MOCOS: variants seen among roughly 807,000 people sequenced by gnomAD.
MOCOS encodes the protein molybdenum cofactor sulfurase, also known as human molybdenum cofactor sulfurase.
In MOCOS, 86 loss-of-function variants were observed where a neutral mutation model predicts 83.6. The observed-to-expected ratio is 1.03, with a 90% CI of 0.86 to 1.23. The LOEUF (loss-of-function observed/expected upper bound fraction) is 1.23. Among genes scored for constraint, MOCOS ranks in the 50% most tolerant of loss-of-function variants. The probability of loss-of-function intolerance (pLI) is 0.00; values close to 1 mark genes in which losing one functional copy is unlikely to be tolerated. For synonymous variants in MOCOS, 445 were observed against 434.7 expected (o/e 1.02, Z -0.29); for missense variants, 1,120 against 1,126.9 (o/e 0.99, Z 0.09).
At chr18:36,244,878 A>G (rs991754022) in intron 9 of MOCOS, among the ~76,000 whole-genome samples, 2 of 152,090 alleles carry the variant, frequency 1.3e-5, no homozygotes, top group Non-Finnish European at 2.9e-5. Flanking sequence ...ATTATATAAT[A>G]TTCCTCTTTG....
At chr18:36,238,986 G>A (rs1274398452) in intron 9 of MOCOS, among the ~76,000 whole-genome samples, 1 of 151,630 alleles carries the variant, frequency 6.6e-6, no homozygotes, top group Non-Finnish European at 1.5e-5. Context: ...CCGTTTGCTT[G>A]GTAGGTCTTC....
chr18:36,212,389 C>CG (rs112635386), intron 6 of MOCOS, among the ~76,000 whole-genome samples: 33,622 of 151,840 alleles, frequency 0.22, 3,826 homozygotes, highest in African/African-American at 0.27. Context: ...GGGAGCTGGA[C>CG]GGGGGTCGGG....
chr18:36,204,532 T>C (rs1024453767), intron 5 of MOCOS, among the ~76,000 whole-genome samples: 4 of 152,246 alleles, frequency 2.6e-5, no homozygotes, highest in African/African-American at 7.2e-5. Flanking sequence ...AGTAACATTA[T>C]GTATAAAAAA....
At chr18:36,242,490 C>T (rs936777231) in intron 9 of MOCOS, among the ~76,000 whole-genome samples, 6 of 152,182 alleles carry the variant, frequency 3.9e-5, no homozygotes, top group Admixed American at 1.3e-4. Context: ...TTACCTAGTT[C>T]CAAAGTCTCT....
At chr18:36,227,194 G>A (rs762795970) in intron 9 of MOCOS, among the ~76,000 whole-genome samples, 12 of 151,672 alleles carry the variant, frequency 7.9e-5, no homozygotes, top group South Asian at 2.1e-4. Context: ...TTATGGGCAT[G>A]AGCCACCACC....
At chr18:36,230,498 T>G (rs1472716152) in intron 9 of MOCOS, among the ~76,000 whole-genome samples, 1 of 152,206 alleles carries the variant, frequency 6.6e-6, no homozygotes, top group Non-Finnish European at 1.5e-5. Flanking sequence ...CACTACCAAC[T>G]CTTTCGTCCC....
intron 3 of MOCOS, 102 bp from the exon 4 acceptor site, chr18:36,199,581 A>G (rs769477804): frequency 2.0e-5 from 31 of 1,564,598 alleles, no homozygotes; most frequent in Non-Finnish European, 2.5e-5. Context: ...CTATCTATCC[A>G]TTAAGGTAGA....
intron 7 of MOCOS, 148 bp from the exon 8 acceptor site, chr18:36,215,368 A>G: frequency 1.3e-6 from 1 of 788,582 alleles, no homozygotes; most frequent in Non-Finnish European, 2.1e-6. Flanking sequence ...GAGCTGAACT[A>G]TGTCCCAGAC....
intron 9 of MOCOS, among the ~76,000 whole-genome samples, chr18:36,238,073 T>G (rs1290086577): frequency 1.3e-5 from 2 of 150,144 alleles, no homozygotes; most frequent in Admixed American, 6.6e-5. Context: ...GTTGATCCTT[T>G]CAAAAAACCA....
At chr18:36,206,329 C>T (rs1044772808) in intron 6 of MOCOS, among the ~76,000 whole-genome samples, 2 of 146,320 alleles carry the variant, frequency 1.4e-5, no homozygotes, top group East Asian at 2.1e-4. Flanking sequence ...TCACTGCAAC[C>T]TCCACCTCTT....
At chr18:36,195,232 G>T (rs1013753907) in intron 1 of MOCOS, 25 bp from the exon 2 acceptor site, 1 of 1,602,564 alleles carries the variant, frequency 6.2e-7, no homozygotes, top group Non-Finnish European at 8.5e-7. Context: ...TAAAATTTTA[G>T]TATTTATTTT....
rs71168208 is a variant in MOCOS, at chr18:36,232,855, TACACACAC to T, written c.1960+12665_1960+12672del. On this transcript the variant is annotated intron_variant, in intron 9 of 14. Transcript: ENST00000261326. Reference sequence around the variant, plus strand: ...TTTTTATGGCTGAATAATATTCCATTACACACACACACACACACACACACACACACACA... The same window carrying T: ...TTTTTATGGCTGAATAATATTCCATTACACACACACACACACACACACACA... Among the ~76,000 whole-genome samples the T allele has an allele frequency of 2.6e-3, 384 of 147,916 alleles. 2 individuals are homozygous for T. The highest frequency in any genetic ancestry group is 7.9e-3 in the East Asian group (40 of 5,044).
chr18:36,244,648 G>A (rs2091596255), intron 9 of MOCOS, among the ~76,000 whole-genome samples: 1 of 152,008 alleles, frequency 6.6e-6, no homozygotes, highest in Admixed American at 6.6e-5. Context: ...TTTGTTTTAG[G>A]GTATAGTTTA....
In MOCOS at chr18:36,213,368, G is replaced by A. The variant is rs1276248598; in HGVS notation, c.1221G>A (p.Val407=). ...TCCATGTTACATTAAATCCGCAGGT[G>A]GACAAAATGGCCAGTCTTTACAACA... ...DKGNIIGYSQ[V]DKMASLYNIH... Residue 407 remains valine (V), a splice_region_variant and synonymous_variant, in exon 7 of 15, where the codon GTG becomes GTA. Transcript: ENST00000261326. 1.9e-6 allele frequency: 3 copies of A among 1,613,686 alleles called. No individual in the cohort carries two copies. The highest frequency in any genetic ancestry group is 2.5e-6 in the Non-Finnish European group (3 of 1,179,606).
At chr18:36,240,743 C>T (rs1252801137) in intron 9 of MOCOS, among the ~76,000 whole-genome samples, 1 of 152,214 alleles carries the variant, frequency 6.6e-6, no homozygotes, top group Non-Finnish European at 1.5e-5. Flanking sequence ...CTCGCTGCCG[C>T]CTTGCAGTTT....
At chr18:36,224,346 T>A (rs1450765562) in intron 9 of MOCOS, among the ~76,000 whole-genome samples, 3 of 152,198 alleles carry the variant, frequency 2.0e-5, no homozygotes, top group Non-Finnish European at 4.4e-5. Flanking sequence ...GAGGCAAGAA[T>A]GGGCTTCTTT....
chr18:36,247,686 AT>A (rs1166737482), intron 9 of MOCOS, among the ~76,000 whole-genome samples: 1 of 151,874 alleles, frequency 6.6e-6, no homozygotes, highest in East Asian at 1.9e-4. Context: ...AGGTTCCCCA[AT>A]GGGGATGTGT....
chr18:36,255,517 C>T (rs959574577), intron 11 of MOCOS, among the ~76,000 whole-genome samples: 2 of 152,102 alleles, frequency 1.3e-5, no homozygotes, highest in Non-Finnish European at 2.9e-5. Context: ...GATTGTTGGT[C>T]CCTGAGGGAG....
chr18:36,250,912 T>C (rs929956321), intron 10 of MOCOS, among the ~76,000 whole-genome samples: 8 of 152,168 alleles, frequency 5.3e-5, no homozygotes, highest in East Asian at 1.9e-4. Context: ...CAATAATTAA[T>C]AGTAAAAAGG....
Sources: allele counts gnomAD v4.1 joint callset (sites outside exome capture counted in the v4.1 genomes callset), GRCh38; gene constraint gnomAD v4.1.1; transcripts MANE v1.5; gene names NCBI Gene and HGNC (gene_info 2026-07-23, HGNC 2026-07-21).